DMD: variants seen among roughly 807,000 people sequenced by gnomAD.
DMD encodes dystrophin, also known as mutant dystrophin.
A neutral mutation model predicts 330.1 loss-of-function variants in DMD; 63 were observed. That is an observed-to-expected ratio of 0.19 (90% confidence interval 0.16 to 0.24). The LOEUF (loss-of-function observed/expected upper bound fraction) is 0.24, where lower values mean the gene tolerates loss of function less well. DMD is among the 10% of genes least tolerant of loss of function. DMD has a pLI of 1.00. For missense variants in DMD, 3,344 were observed against 2,684.1 expected, an observed-to-expected ratio of 1.25 and a Z score of -5.43; for synonymous variants, 1,223 against 959.8, an observed-to-expected ratio of 1.27 and a Z score of -5.07.
intron 52 of DMD, among the ~76,000 whole-genome samples, chrX:31,715,224 G>T (rs7051744): frequency 2.8e-5 from 3 of 105,265 alleles, no homozygotes; most frequent in Non-Finnish European, 3.9e-5. Context: ...GGTTGGTGGG[G>T]GGGGAGCTGC....
intron 55 of DMD, among the ~76,000 whole-genome samples, chrX:31,531,634 C>T (rs2073841358): frequency 9.6e-6 from 1 of 104,362 alleles, no homozygotes; most frequent in South Asian, 4.4e-4. Context: ...GTTGCCTGTT[C>T]ACTCTGATGG....
chrX:32,424,772 T>C (rs2098204549), intron 29 of DMD, among the ~76,000 whole-genome samples: 1 of 103,753 alleles, frequency 9.6e-6, no homozygotes, highest in African/African-American at 3.6e-5. Flanking sequence ...TGAATTAAAT[T>C]GGTTAAGTTA....
At chrX:32,665,918 G>T (rs1180848137) in intron 9 of DMD, among the ~76,000 whole-genome samples, 1 of 111,617 alleles carries the variant, frequency 9.0e-6, no homozygotes, top group African/African-American at 3.3e-5. Flanking sequence ...ATGCAGTGTG[G>T]AGAATGATCT....
At chrX:32,343,804 T>A (rs1474691524) in intron 39 of DMD, among the ~76,000 whole-genome samples, 1 of 112,141 alleles carries the variant, frequency 8.9e-6, no homozygotes, top group East Asian at 2.8e-4. Context: ...TATTTTATGA[T>A]TAGAAATATA....
chrX:31,209,672 C>T lies in DMD; in HGVS notation c.9389G>A (p.Cys3130Tyr). The change falls in exon 65 of 79, where the codon TGT becomes TAT. Residue 3130 changes from cysteine to tyrosine, a missense_variant. Physicochemically the swap from Cys to Tyr is radical, Grantham distance 194. Coordinates refer to ENST00000357033, the MANE Select transcript of DMD (RefSeq NM_004006.3). ...CLDLLSLSAACDALDQHNLKQ... is the reference protein window; with the variant it reads ...CLDLLSLSAAYDALDQHNLKQ... ...GAGGTTGTGCTGGTCCAAGGCATCACATGCAGCTGACAGGCTCAAGAGATC... is the reference window on the plus strand; with the variant it reads ...GAGGTTGTGCTGGTCCAAGGCATCATATGCAGCTGACAGGCTCAAGAGATC... 8.3e-7 allele frequency: 1 copy of T among 1,211,542 alleles called. No individual in the cohort carries two copies. The highest frequency in any genetic ancestry group is 1.8e-5 in the South Asian group (1 of 56,922).
intron 17 of DMD, among the ~76,000 whole-genome samples, chrX:32,542,625 T>A (rs1171072856): frequency 8.9e-6 from 1 of 111,958 alleles, no homozygotes; most frequent in East Asian, 2.8e-4. Flanking sequence ...TTCAGTGAAA[T>A]ATTAGTGGGC....
chrX:32,880,284 C>CAAA (rs35737187), intron 2 of DMD, among the ~76,000 whole-genome samples: 20 of 85,037 alleles, frequency 2.4e-4, no homozygotes, highest in Middle Eastern at 5.6e-3. Context: ...CCAACAGGGC[C>CAAA]AAAAAAAAAA....
At position 32,062,476 on chromosome X, in the gene DMD, C is replaced by T. The variant is rs760817803; in HGVS notation, c.6439-93962G>A. On this transcript the variant is annotated intron_variant, in intron 44 of 78. Transcript: ENST00000357033. ...TCTATATATGTTATATATATTAAAA[C>T]ACGTTCATATGAATACAGATAAATG... is the stretch of plus-strand genomic sequence containing the variant. Among the ~76,000 whole-genome samples the T allele has an allele frequency of 1.2e-4, 13 of 110,352 alleles. No homozygotes were observed. In the South Asian group the frequency reaches 2.6e-3, roughly 22 times the overall value.
At chrX:31,496,654 A>C (rs1221370427) in intron 57 of DMD, 134 bp downstream of exon 57, 1 of 736,684 alleles carries the variant, frequency 1.4e-6, no homozygotes, top group Non-Finnish European at 2.0e-6. Flanking sequence ...TAGATTATTT[A>C]TAATTGACCC....
intron 1 of DMD, among the ~76,000 whole-genome samples, chrX:33,196,234 C>A (rs748635933): frequency 9.0e-5 from 10 of 111,462 alleles, no homozygotes; most frequent in Non-Finnish European, 1.7e-4. Flanking sequence ...ATTACATGAA[C>A]CAAAGTTATT....
intron 47 of DMD, among the ~76,000 whole-genome samples, chrX:31,918,635 T>C (rs949905944): frequency 5.2e-4 from 57 of 110,243 alleles, no homozygotes; most frequent in African/African-American, 1.8e-3. Context: ...TTTTTTTTAA[T>C]CTTTTTTTTT....
intron 51 of DMD, among the ~76,000 whole-genome samples, chrX:31,731,647 G>A (rs1327084683): frequency 4.5e-5 from 5 of 111,580 alleles, no homozygotes; most frequent in African/African-American, 1.6e-4. Context: ...GCATGTGGCA[G>A]TGGACAAATA....
At chrX:33,238,415 C>G (rs190033119) in intron 1 of DMD, among the ~76,000 whole-genome samples, 170 of 111,884 alleles carry the variant, frequency 1.5e-3, no homozygotes, top group African/African-American at 5.3e-3. Flanking sequence ...AACTGCCCCA[C>G]AAATATCATG....
intron 7 of DMD, among the ~76,000 whole-genome samples, chrX:32,755,975 G>T (rs762139921): frequency 4.6e-4 from 52 of 112,382 alleles, no homozygotes; most frequent in Non-Finnish European, 8.5e-4. Flanking sequence ...AAATATTAAG[G>T]TCTTACTACC....
At chrX:32,409,962 T>C (rs1194459298) in intron 30 of DMD, among the ~76,000 whole-genome samples, 1 of 111,755 alleles carries the variant, frequency 8.9e-6, no homozygotes, top group Non-Finnish European at 1.9e-5. Context: ...AAATATTACA[T>C]AAATGTTGTA....
At chrX:33,257,529 G>A (rs1467719991) in intron 1 of DMD, among the ~76,000 whole-genome samples, 1 of 110,934 alleles carries the variant, frequency 9.0e-6, no homozygotes, top group Admixed American at 9.6e-5. Flanking sequence ...TCACATATAC[G>A]TTATTAAATA....
intron 44 of DMD, among the ~76,000 whole-genome samples, chrX:32,164,917 C>T (rs926514260): frequency 8.9e-6 from 1 of 112,083 alleles, no homozygotes; most frequent in Non-Finnish European, 1.9e-5. Flanking sequence ...GGGAGCAAGT[C>T]CCAAGCTTTG....
chrX:31,974,154 C>T lies in DMD; in HGVS notation c.6439-5640G>A, dbSNP rs905355330. On this transcript the variant is annotated intron_variant, in intron 44 of 78. Coordinates refer to ENST00000357033, the MANE Select transcript of DMD (RefSeq NM_004006.3). ...GAGGCCATAATCATAAGCAAATTAACGCAGGAACAGGAAAAACAAACACTA... is the reference window on the plus strand; with the variant it reads ...GAGGCCATAATCATAAGCAAATTAATGCAGGAACAGGAAAAACAAACACTA... Among the ~76,000 whole-genome samples the T allele has an allele frequency of 1.3e-4, 15 of 111,622 alleles. No homozygotes were observed. In the Admixed American group the frequency reaches 1.4e-3, roughly 11 times the overall value.
intron 63 of DMD, among the ~76,000 whole-genome samples, chrX:31,230,853 G>A (rs1321051293): frequency 1.8e-5 from 2 of 112,026 alleles, no homozygotes; most frequent in African/African-American, 6.5e-5. Flanking sequence ...TTCCTCAGCA[G>A]AATCTCACTA....
Sources: allele counts gnomAD v4.1 joint callset (sites outside exome capture counted in the v4.1 genomes callset), GRCh38; gene constraint gnomAD v4.1.1; transcripts MANE v1.5; gene names NCBI Gene and HGNC (gene_info 2026-07-23, HGNC 2026-07-21).